Variants in KRT73 observed in about 807,000 individuals in gnomAD.
KRT73 encodes the protein keratin 73.
A neutral mutation model predicts 47.2 loss-of-function variants in KRT73; 44 were observed. The ratio of observed to expected loss-of-function variants is 0.93; its 90% CI spans 0.73 to 1.20. The LOEUF (loss-of-function observed/expected upper bound fraction) is 1.20. Ranked by LOEUF, KRT73 falls within the 50% of genes most tolerant of loss-of-function variation. The pLI is 0.00. For synonymous variants in KRT73, 285 were observed against 291.3 expected (o/e 0.98, Z 0.22); for missense variants, 713 against 704.5 (o/e 1.01, Z -0.14).
At chr12:52,623,982 A>G in the KRT73 span, among the ~76,000 whole-genome samples, 1 of 152,072 alleles carries the variant, frequency 6.6e-6, no homozygotes, top group African/African-American at 2.4e-5. Context: ...ATCAATAATT[A>G]TGTTAAATAT....
chr12:52,610,811 C>T lies in KRT73; in HGVS notation c.1135G>A (p.Ala379Thr), dbSNP rs376902742. ...KQCANLETAI[A>T]DAEQRGDCAL... is the part of the protein sequence containing the mutation. The stretch of plus-strand genomic sequence containing the variant: ...CAGTCCCCCCGCTGCTCGGCGTCAG[C>T]GATGGCCGTCTCCAGGTTGGCACAC... Residue 379 changes from alanine to threonine, a missense_variant, in exon 7 of 9, where the codon GCT becomes ACT. Transcript: ENST00000305748. 2.5e-5 allele frequency: 40 copies of T among 1,612,680 alleles called. No homozygotes were observed. The highest frequency in any genetic ancestry group is 5.5e-5 in the South Asian group (5 of 91,046).
At chr12:52,611,475 T>A in intron 5 of KRT73, 146 bp from the exon 6 acceptor site, 1 of 873,580 alleles carries the variant, frequency 1.1e-6, no homozygotes, top group Non-Finnish European at 1.7e-6. Flanking sequence ...AGCCTCCCAT[T>A]AAAGCATTGG....
chr12:52,620,805 C>T (rs761231313), upstream of KRT73, among the ~76,000 whole-genome samples: 1 of 152,210 alleles, frequency 6.6e-6, no homozygotes, highest in Non-Finnish European at 1.5e-5. Context: ...TTCCCAGCCT[C>T]CCACATGTTG....
intron 4 of KRT73, 144 bp from the exon 5 acceptor site, chr12:52,613,996 A>C: frequency 1.1e-4 from 141 of 1,289,676 alleles, no homozygotes; most frequent in Non-Finnish European, 1.3e-4. Flanking sequence ...AACAGAGCTC[A>C]CAGCCCAGAG....
chr12:52,614,651 G>C lies in KRT73; in HGVS notation c.747C>G (p.Ser249Arg). 6.2e-7 allele frequency: 1 copy of C among 1,613,820 alleles called. No individual in the cohort carries two copies. Among genetic ancestry groups the C allele is most frequent in the Non-Finnish European group, 8.5e-7 (1 of 1,179,896 alleles). Reference protein sequence around the residue: ...LKKDVDAAYTSKVELQAKVDA... With the variant: ...LKKDVDAAYTRKVELQAKVDA... ...CCACCTTGGCCTGCAGCTCCACTTT[G>C]CTCGTGTAAGCTGCGTCCACGTCCT... The change falls in exon 4 of 9, where the codon AGC becomes AGG. Residue 249 changes from serine to arginine, a missense_variant. Ser to Arg is a moderately radical substitution (Grantham distance 110). Coordinates refer to ENST00000305748, the MANE Select transcript of KRT73 (RefSeq NM_175068.3).
chr12:52,610,938 C>T (rs1233975996), intron 6 of KRT73, 103 bp from the exon 7 acceptor site: 2 of 1,097,416 alleles, frequency 1.8e-6, no homozygotes, highest in African/African-American at 1.5e-5. Context: ...TGCCCCATGT[C>T]CTGGAGCAGA....
At chr12:52,617,147 C>T (rs866191695) in intron 1 of KRT73, among the ~76,000 whole-genome samples, 1 of 152,136 alleles carries the variant, frequency 6.6e-6, no homozygotes, top group Non-Finnish European at 1.5e-5. Flanking sequence ...CCATGCTGCA[C>T]GTGCTGTCTC....
At chr12:52,611,549 A>C in intron 5 of KRT73, 3 of 562,888 alleles carry the variant, frequency 5.3e-6, no homozygotes, top group Non-Finnish European at 6.3e-6. Flanking sequence ...GGCCATAAGG[A>C]CTGTTGAATG....
the KRT73 span, among the ~76,000 whole-genome samples, chr12:52,624,837 A>C: frequency 5.9e-5 from 9 of 152,024 alleles, no homozygotes; most frequent in Non-Finnish European, 1.3e-4. Flanking sequence ...AAAATAGATA[A>C]ATTGGACCTC....
intron 7 of KRT73, 88 bp downstream of exon 7, chr12:52,610,527 C>CCGGGGGGGGG: frequency 3.2e-6 from 1 of 312,804 alleles, no homozygotes; most frequent in Non-Finnish European, 6.4e-6. Flanking sequence ...CGCCAGCTCG[C>CCGGGGGGGGG]CGCCCCCTCC....
the KRT73 span, among the ~76,000 whole-genome samples, chr12:52,624,326 TA>T: frequency 6.6e-6 from 1 of 152,104 alleles, no homozygotes; most frequent in Non-Finnish European, 1.5e-5. Flanking sequence ...AGGACTCCAA[TA>T]TTCCTTTCTC....
At chr12:52,613,635 G>C in intron 5 of KRT73, 53 bp downstream of exon 5, 1 of 1,603,442 alleles carries the variant, frequency 6.2e-7, no homozygotes, top group Non-Finnish European at 8.5e-7. Flanking sequence ...ACAAGACAGA[G>C]TCTGGAGCAG....
intron 1 of KRT73, among the ~76,000 whole-genome samples, chr12:52,617,799 C>A (rs1297452700): frequency 6.6e-6 from 1 of 152,162 alleles, no homozygotes; most frequent in Non-Finnish European, 1.5e-5. Context: ...CCTCCCTGGG[C>A]TATGTCTGCA....
In KRT73 at chr12:52,618,558, G is replaced by C; in HGVS notation, c.-34C>G. 1.3e-6 allele frequency: 2 copies of C among 1,561,102 alleles called. No individual in the cohort carries two copies. The highest frequency in any genetic ancestry group is 8.7e-7 in the Non-Finnish European group (1 of 1,154,398). ...GGCCAGAAAGTGGGGATAAGATGCT[G>C]ACCCTTAGCTGAGATGCAGTTCACC... On this transcript the variant is annotated 5_prime_UTR_variant, in exon 1 of 9. Transcript: ENST00000305748.
At chr12:52,621,676 A>G (rs1216585355), upstream of KRT73, among the ~76,000 whole-genome samples, 7 of 152,218 alleles carry the variant, frequency 4.6e-5, no homozygotes, top group African/African-American at 1.7e-4. Flanking sequence ...AGCAAGATGG[A>G]AAACTTACAG....
chr12:52,610,441 A>G (rs948202811), intron 7 of KRT73, 174 bp downstream of exon 7: 10 of 674,576 alleles, frequency 1.5e-5, no homozygotes, highest in Non-Finnish European at 2.0e-5. Flanking sequence ...TCAAAAGAGA[A>G]CTGTAAAGGA....
In KRT73 at chr12:52,616,366, C is replaced by T; in HGVS notation, c.462G>A (p.Glu154=). The T allele has an allele frequency of 1.2e-6, 2 of 1,614,198 alleles. No homozygotes were observed. The highest frequency in any genetic ancestry group is 1.3e-5 in the African/African-American group (1 of 75,070). Residue 154 remains glutamate, a synonymous_variant, in exon 2 of 9, where the codon GAG becomes GAA. Coordinates refer to ENST00000305748, the MANE Select transcript of KRT73 (RefSeq NM_175068.3). ...TGGTCTCCAGCACCTGGTTCTGCTG[C>T]TCCAGGAACCGCACCTGGAACCCAT... The part of the protein sequence containing the change: ...ASFIDKVRFL[E]QQNQVLETKW...
chr12:52,614,740 C>G, intron 3 of KRT73, 66 bp from the exon 4 acceptor site: 1 of 1,331,718 alleles, frequency 7.5e-7, no homozygotes, highest in Non-Finnish European at 1.0e-6. Flanking sequence ...CTCCAGCGAA[C>G]TGACACCTGC....
Position 52,610,981 on chromosome 12 carries a change from CCTGAGA to C in KRT73, c.1111-152_1111-147del. 3 of 895,204 alleles carry C rather than the reference CCTGAGA, an allele frequency of 3.4e-6. No homozygotes were observed. The South Asian group carries it at 5.1e-5, about 15-fold the overall frequency. The allele number at this position is 895,204 out of a possible 1,614,324, so 55.5% of individuals were successfully genotyped here. On this transcript the variant is annotated intron_variant, in intron 6 of 8. Transcript: ENST00000305748. ...CCACATCCAGGTGGAGTCCTGTCAA[CCTGAGA>C]CTGAGAGGCTTGCTACGCTGGGCCC... is the stretch of plus-strand genomic sequence containing the variant.
Sources: allele counts gnomAD v4.1 joint callset (sites outside exome capture counted in the v4.1 genomes callset), GRCh38; gene constraint gnomAD v4.1.1; transcripts MANE v1.5; gene names NCBI Gene and HGNC (gene_info 2026-07-23, HGNC 2026-07-21).